The following TRUB1 variants were observed in gnomAD, a reference collection of about 807,000 sequenced individuals.
TRUB1 encodes TruB pseudouridine synthase family member 1.
In TRUB1, 23 loss-of-function variants were observed where a neutral mutation model predicts 33.9. The ratio of observed to expected loss-of-function variants is 0.68; its 90% CI spans 0.49 to 0.96. TRUB1 has a LOEUF of 0.96. TRUB1 is among the 40% of genes least tolerant of loss of function. The pLI is 0.00. For synonymous variants in TRUB1, 163 were observed against 165.4 expected (o/e 0.99, Z 0.11); for missense variants, 378 against 422.2 (o/e 0.90, Z 0.92).
rs1178786585 is a variant in TRUB1, at chr10:114,975,436, G to A, written c.*57G>A. On this transcript the variant is annotated 3_prime_UTR_variant, in exon 8 of 8. Transcript: ENST00000298746. ...TGACATTTGAATCCTGTGTGCAGAT[G>A]CAGAATGACAAGCTGCATTCAAAAG... 10 of 1,441,236 alleles carry A rather than the reference G, an allele frequency of 6.9e-6. No individual in the cohort carries two copies. The East Asian group carries it at 1.2e-4, about 17-fold the overall frequency. The allele number at this position is 1,441,236 out of a possible 1,614,324, so 89.3% of individuals were successfully genotyped here. A position where few individuals can be genotyped will look rare whatever the true frequency, so the allele number is the denominator to read the frequency against.
intron 7 of TRUB1, 130 bp downstream of exon 7, chr10:114,974,515 T>C: frequency 1.5e-6 from 1 of 673,030 alleles, no homozygotes; most frequent in East Asian, 2.8e-5. Context: ...TGCCTTCAGC[T>C]TTAAAAGCAT....
rs777507141 is a variant in TRUB1, at chr10:114,938,261, C to T, written c.8C>T (p.Ala3Val). MA[A>V]SEAAVVSSPS... ...GGTCTGGGCTACAAAAGTATGGCCG[C>T]TTCTGAGGCGGCGGTGGTGTCTTCG... is the stretch of plus-strand genomic sequence containing the variant. Residue 3 changes from alanine (A) to valine (V), a missense_variant, in exon 1 of 8, where the codon GCT becomes GTT. Coordinates refer to ENST00000298746, the MANE Select transcript of TRUB1 (RefSeq NM_139169.5). The T allele has an allele frequency of 6.2e-7, 1 of 1,614,204 alleles. No individual in the cohort carries two copies.
chr10:114,968,225 A>T (rs1423445105), intron 4 of TRUB1, among the ~76,000 whole-genome samples: 1 of 152,236 alleles, frequency 6.6e-6, no homozygotes, highest in Non-Finnish European at 1.5e-5. Flanking sequence ...AAGAGACAAT[A>T]TGGCAGAAGT....
At chr10:114,952,971 T>A (rs548321699) in intron 3 of TRUB1, among the ~76,000 whole-genome samples, 11 of 152,300 alleles carry the variant, frequency 7.2e-5, no homozygotes, top group African/African-American at 2.6e-4. Context: ...ACTTTTATGT[T>A]AATAATAAAA....
At position 114,959,777 on chromosome 10, in the gene TRUB1, A is replaced by G. The variant is rs1346537838; in HGVS notation, c.493A>G (p.Thr165Ala). 16 of 1,608,812 alleles carry G rather than the reference A, an allele frequency of 9.9e-6. No individual in the cohort carries two copies. In the Admixed American group the frequency reaches 1.2e-4, roughly 12 times the overall value. The change falls in exon 4 of 8, where the codon ACG becomes GCG. Residue 165 changes from threonine to alanine, a missense_variant. By Grantham distance (58) the Thr-to-Ala change is moderately conservative. Transcript: ENST00000298746. The part of the protein sequence containing the change: ...LGKATDTLDS[T>A]GRVTEEKPYD... ...GAAAGCTACTGATACACTAGATTCTACGGGGAGGGTAACAGAAGAAAAACC... is the reference window on the plus strand; with the variant it reads ...GAAAGCTACTGATACACTAGATTCTGCGGGGAGGGTAACAGAAGAAAAACC...
chr10:114,952,839 A>C (rs977254716), intron 3 of TRUB1, among the ~76,000 whole-genome samples: 2 of 152,184 alleles, frequency 1.3e-5, no homozygotes, highest in Non-Finnish European at 2.9e-5. Flanking sequence ...GGTTTTTGCC[A>C]GTTGTTTAAT....
intron 4 of TRUB1, among the ~76,000 whole-genome samples, chr10:114,966,205 A>G (rs1453569466): frequency 6.6e-6 from 1 of 152,076 alleles, no homozygotes; most frequent in East Asian, 1.9e-4. Flanking sequence ...ATTCAAGGTC[A>G]TTTTTTGCAT....
At chr10:114,963,086 A>G (rs1275427936) in intron 4 of TRUB1, among the ~76,000 whole-genome samples, 2 of 152,182 alleles carry the variant, frequency 1.3e-5, no homozygotes, top group African/African-American at 4.8e-5. Context: ...ATGTGGACCA[A>G]GCATCCGGGA....
chr10:114,974,986 G>T, intron 7 of TRUB1, 137 bp from the exon 8 acceptor site: 1 of 967,782 alleles, frequency 1.0e-6, no homozygotes, highest in Non-Finnish European at 1.5e-6. Context: ...GAGGCCTCTT[G>T]GTTCTTATAT....
At chr10:114,939,821 C>CTTT (rs199856592) in intron 1 of TRUB1, among the ~76,000 whole-genome samples, 2,940 of 103,286 alleles carry the variant, frequency 0.028, 45 homozygotes, top group Non-Finnish European at 0.043. Context: ...CTCTGGGTTT[C>CTTT]TTTTCTTTTT....
At chr10:114,966,117 C>T (rs2084306591) in intron 4 of TRUB1, among the ~76,000 whole-genome samples, 1 of 152,030 alleles carries the variant, frequency 6.6e-6, no homozygotes, top group Admixed American at 6.5e-5. Context: ...AAACAGTGAA[C>T]ATATTTATCA....
At chr10:114,948,503 T>C (rs913558890) in intron 2 of TRUB1, among the ~76,000 whole-genome samples, 1 of 152,216 alleles carries the variant, frequency 6.6e-6, no homozygotes, top group Non-Finnish European at 1.5e-5. Context: ...CAATTTTGAA[T>C]GATTGAAGGG....
chr10:114,952,225 G>C (rs2084238996), intron 3 of TRUB1, among the ~76,000 whole-genome samples: 1 of 152,092 alleles, frequency 6.6e-6, no homozygotes, highest in East Asian at 1.9e-4. Context: ...GATCACTTGA[G>C]GTCAGGATTT....
chr10:114,974,867 G>A (rs974545222), intron 7 of TRUB1, among the ~76,000 whole-genome samples: 1 of 152,032 alleles, frequency 6.6e-6, no homozygotes, highest in Non-Finnish European at 1.5e-5. Context: ...CATGGGGTTG[G>A]CTGCATGAGT....
intron 3 of TRUB1, among the ~76,000 whole-genome samples, chr10:114,958,997 G>A (rs773298128): frequency 2.6e-5 from 4 of 152,094 alleles, no homozygotes; most frequent in Admixed American, 1.3e-4. Flanking sequence ...TTAGCCGGGC[G>A]TGGTGGCGGG....
intron 1 of TRUB1, among the ~76,000 whole-genome samples, chr10:114,941,985 C>T (rs2084189367): frequency 6.6e-6 from 1 of 151,770 alleles, no homozygotes; most frequent in Non-Finnish European, 1.5e-5. Context: ...GGTGTTTCAC[C>T]GTGTTAGCCA....
At chr10:114,955,595 A>G (rs1179593035) in intron 3 of TRUB1, among the ~76,000 whole-genome samples, 1 of 152,166 alleles carries the variant, frequency 6.6e-6, no homozygotes, top group African/African-American at 2.4e-5. Flanking sequence ...ATTGGAGTGA[A>G]TGAAGTTTCC....
intron 1 of TRUB1, among the ~76,000 whole-genome samples, 160 bp from the exon 2 acceptor site, chr10:114,942,480 ATCTTT>A (rs1310489955): frequency 6.6e-6 from 1 of 152,192 alleles, no homozygotes; most frequent in Non-Finnish European, 1.5e-5. Flanking sequence ...CCATTTTAAA[ATCTTT>A]TCTTTGCTAG....
chr10:114,942,626 A>G lies in TRUB1; in HGVS notation c.287-19A>G. On this transcript the variant is annotated intron_variant, in intron 1 of 7. Transcript: ENST00000298746. Reference sequence around the variant, plus strand: ...TTTGTCTTGGTGATCACCTTTTTTCATCCCCATTTCTCTCATAGAAGCTGG... The same window carrying G: ...TTTGTCTTGGTGATCACCTTTTTTCGTCCCCATTTCTCTCATAGAAGCTGG... The G allele has an allele frequency of 6.4e-7, 1 of 1,557,970 alleles. No individual in the cohort carries two copies. Among genetic ancestry groups the G allele is most frequent in the African/African-American group, 1.4e-5 (1 of 73,814 alleles).
Sources: allele counts gnomAD v4.1 joint callset (sites outside exome capture counted in the v4.1 genomes callset), GRCh38; gene constraint gnomAD v4.1.1; transcripts MANE v1.5; gene names NCBI Gene and HGNC (gene_info 2026-07-23, HGNC 2026-07-21).